Variants in CDH9 observed in about 807,000 individuals in gnomAD.
The protein encoded by CDH9 is cadherin-9.
CDH9 carries 28 observed loss-of-function variants against 70.9 expected under a neutral mutation model. The ratio of observed to expected loss-of-function variants is 0.40; its 90% confidence interval spans 0.29 to 0.54. The LOEUF is 0.54. Ranked by LOEUF, CDH9 falls within the 20% of genes least tolerant of loss-of-function variation. The probability of loss-of-function intolerance (pLI) is 0.59; values close to 1 mark genes in which losing one functional copy is unlikely to be tolerated. For missense variants in CDH9, 874 were observed against 984.4 expected (o/e 0.89, Z 1.50); for synonymous variants, 409 against 343.1 (o/e 1.19, Z -2.12).
In CDH9 at chr5:26,988,284, T is replaced by C. The variant is rs976296601; in HGVS notation, c.50A>G (p.His17Arg). The C allele has an allele frequency of 6.2e-7, 1 of 1,613,282 alleles. No individual in the cohort carries two copies. Among genetic ancestry groups the C allele is most frequent in the Non-Finnish European group, 8.5e-7 (1 of 1,179,516 alleles). Reference sequence around the variant, plus strand: ...TTGTAATAGGATGGTGTCAACTGTATGGAACATATAGGTCCAGATGAATAA... The same window carrying C: ...TTGTAATAGGATGGTGTCAACTGTACGGAACATATAGGTCCAGATGAATAA... ...IPLFIWTYMF[H>R]TVDTILLQEK... The change falls in exon 2 of 12, where the codon CAT (histidine) becomes CGT (arginine). Residue 17 changes from histidine to arginine, a missense_variant. Transcript: ENST00000231021.
chr5:27,023,124 ATCCCTCTCT>A (rs1456024358), intron 1 of CDH9, among the ~76,000 whole-genome samples: 1 of 152,008 alleles, frequency 6.6e-6, no homozygotes, highest in African/African-American at 2.4e-5. Flanking sequence ...TGAATACAAG[ATCCCTCTCT>A]TTCTGATCTT....
At position 26,942,661 on chromosome 5, in the gene CDH9, T is replaced by C. The variant is rs374141685; in HGVS notation, c.229-26737A>G. ...AGCAACTGATTCATGATATGCTGTT[T>C]AAAGTTCTAAACACCCCGGGTGGCA... On this transcript the variant is annotated intron_variant, in intron 2 of 11. Coordinates refer to ENST00000231021, the MANE Select transcript of CDH9 (RefSeq NM_016279.4). Among the ~76,000 whole-genome samples the C allele has an allele frequency of 2.8e-4, 42 of 152,266 alleles. 1 individual carries two copies. The highest frequency in any genetic ancestry group is 9.4e-4 in the African/African-American group (39 of 41,570).
intron 7 of CDH9, among the ~76,000 whole-genome samples, chr5:26,892,066 A>G (rs1209579761): frequency 1.3e-5 from 2 of 152,188 alleles, no homozygotes; most frequent in African/African-American, 4.8e-5. Context: ...TCTGATCCAC[A>G]AAAGTTCAGA....
intron 1 of CDH9, among the ~76,000 whole-genome samples, chr5:27,020,967 A>G (rs1423885963): frequency 6.6e-6 from 1 of 151,828 alleles, no homozygotes; most frequent in African/African-American, 2.4e-5. Context: ...AATTTTGGGA[A>G]GTGTTCAATG....
At chr5:26,946,827 G>A (rs1237341591) in intron 2 of CDH9, among the ~76,000 whole-genome samples, 1 of 151,982 alleles carries the variant, frequency 6.6e-6, no homozygotes. Context: ...AGTAGCTGTA[G>A]GTCAAAAATA....
chr5:26,986,244 G>C (rs1742485975), intron 2 of CDH9, among the ~76,000 whole-genome samples: 1 of 151,690 alleles, frequency 6.6e-6, no homozygotes, highest in South Asian at 2.1e-4. Flanking sequence ...TCCATTTGTG[G>C]TTCATAACCC....
At chr5:26,968,774 T>C (rs1411880661) in intron 2 of CDH9, among the ~76,000 whole-genome samples, 1 of 152,156 alleles carries the variant, frequency 6.6e-6, no homozygotes, top group Non-Finnish European at 1.5e-5. Flanking sequence ...GGTGCCATAT[T>C]TAAACTGTTT....
intron 2 of CDH9, among the ~76,000 whole-genome samples, chr5:26,971,565 C>T (rs531217113): frequency 4.2e-4 from 64 of 152,300 alleles, no homozygotes; most frequent in African/African-American, 1.4e-3. Context: ...AAATCAACTA[C>T]ATGGCTGAAA....
intron 9 of CDH9, among the ~76,000 whole-genome samples, chr5:26,887,183 T>A (rs1740579513): frequency 6.6e-6 from 1 of 152,018 alleles, no homozygotes; most frequent in Admixed American, 6.6e-5. Context: ...AATGCACAAT[T>A]TTTAATAAAC....
chr5:26,986,889 G>T (rs911635109), intron 2 of CDH9, among the ~76,000 whole-genome samples: 3 of 151,864 alleles, frequency 2.0e-5, no homozygotes, highest in Non-Finnish European at 2.9e-5. Context: ...TGAATGGGGC[G>T]GAATGAGCAT....
intron 1 of CDH9, among the ~76,000 whole-genome samples, chr5:27,031,835 C>A (rs897581990): frequency 6.6e-6 from 1 of 151,860 alleles, no homozygotes; most frequent in Non-Finnish European, 1.5e-5. Flanking sequence ...CTGTAGGTTT[C>A]AACATTAATC....
chr5:26,900,495 C>T (rs1740836544), intron 7 of CDH9, among the ~76,000 whole-genome samples: 1 of 152,150 alleles, frequency 6.6e-6, no homozygotes, highest in East Asian at 1.9e-4. Flanking sequence ...CATCATGCCT[C>T]TTGCAAGGTG....
chr5:26,982,125 C>CCCTTCCTCCCTT lies in CDH9; in HGVS notation c.228+5969_228+5980dup, dbSNP rs1432061252. Among the ~76,000 whole-genome samples, 10 of 150,328 alleles carry CCCTTCCTCCCTT rather than the reference C, an allele frequency of 6.7e-5. No homozygotes were observed. The East Asian group carries it at 9.8e-4, about 15-fold the overall frequency. ...TCTGCAAGTTTTTCCCTCCCTCCCA[C>CCCTTCCTCCCTT]CCTTCCTCCCTTCCTTCCTTATTGA... On this transcript the variant is annotated intron_variant, in intron 2 of 11. Coordinates refer to ENST00000231021, the MANE Select transcript of CDH9 (RefSeq NM_016279.4).
At chr5:27,005,435 A>T (rs180930631) in intron 1 of CDH9, among the ~76,000 whole-genome samples, 1 of 152,276 alleles carries the variant, frequency 6.6e-6, no homozygotes, top group Admixed American at 6.6e-5. Flanking sequence ...ATCACTGATC[A>T]TTAGAAAAAT....
intron 1 of CDH9, among the ~76,000 whole-genome samples, chr5:27,005,688 T>A (rs1054914542): frequency 4.0e-4 from 61 of 152,228 alleles, no homozygotes; most frequent in African/African-American, 1.3e-3. Context: ...GGAATATAAA[T>A]CATTCTACCA....
In CDH9 at chr5:26,880,867, T is replaced by G; in HGVS notation, c.*269A>C. 3.8e-6 allele frequency: 1 copy of G among 266,098 alleles called. No homozygotes were observed. Among genetic ancestry groups the G allele is most frequent in the Non-Finnish European group, 7.0e-6 (1 of 141,970 alleles). 16.5% of individuals were successfully genotyped at this position (266,098 alleles called of 1,614,324 possible). A position where few individuals can be genotyped will look rare whatever the true frequency, so the allele number is the denominator to read the frequency against. ...AGAAAAGGCACAAAAAGCCTTTTAC[T>G]TATTTTTATTGATTATTGATGTGAT... On this transcript the variant is annotated 3_prime_UTR_variant, in exon 12 of 12. Coordinates refer to ENST00000231021, the MANE Select transcript of CDH9 (RefSeq NM_016279.4).
At chr5:26,957,436 C>A (rs1349436645) in intron 2 of CDH9, among the ~76,000 whole-genome samples, 1 of 152,008 alleles carries the variant, frequency 6.6e-6, no homozygotes, top group Non-Finnish European at 1.5e-5. Context: ...CCAAGGCGGG[C>A]AGATCACCTG....
At position 26,915,647 on chromosome 5, in the gene CDH9, G is replaced by A. The variant is rs1436556090; in HGVS notation, c.506C>T (p.Pro169Leu). The A allele has an allele frequency of 6.3e-7, 1 of 1,594,536 alleles. No homozygotes were observed. Among genetic ancestry groups the A allele is most frequent in the East Asian group, 2.2e-5 (1 of 44,764 alleles). The change falls in exon 3 of 12, where the codon CCT (proline) becomes CTT (leucine). Residue 169 changes from proline to leucine, a missense_variant. Physicochemically the swap from Pro to Leu is moderately conservative, Grantham distance 98. Coordinates refer to ENST00000231021, the MANE Select transcript of CDH9 (RefSeq NM_016279.4). The stretch of plus-strand genomic sequence containing the variant: ...ATACCTACCGACTCCAGACATTTCA[G>A]GAACACTGGCAGTGTATAAGTCTTT... ...FTKDLYTASV[P>L]EMSGVGTSVI... is the part of the protein sequence containing the mutation.
In CDH9 at chr5:26,915,688, A is replaced by G. The variant is rs764743982; in HGVS notation, c.465T>C (p.Asn155=). The change falls in exon 3 of 12, where the codon AAT becomes AAC. Residue 155 remains asparagine (N), a synonymous_variant. Coordinates refer to ENST00000231021, the MANE Select transcript of CDH9 (RefSeq NM_016279.4). ...ATAAGTCTTTTGTAAATTTTGGCTC[A>G]TTGTCATTGATATCATGTATTTTAA... ...FIIKIHDIND[N]EPKFTKDLYT... 1.9e-6 allele frequency: 3 copies of G among 1,611,372 alleles called. No homozygotes were observed. The Admixed American group carries it at 5.0e-5, about 27-fold the overall frequency.
Sources: gnomAD v4.1 joint callset for allele counts (sites outside exome capture counted in the v4.1 genomes callset) on GRCh38, gnomAD v4.1.1 for gene constraint, MANE v1.5 for transcripts, NCBI Gene and HGNC (gene_info 2026-07-23, HGNC 2026-07-21) for gene names.